The following SYNE1 variants were observed in gnomAD, a reference collection of about 807,000 sequenced individuals.
The protein encoded by SYNE1 is nesprin-1.
In SYNE1, 616 loss-of-function variants were observed where a neutral mutation model predicts 1,111.0. That is an observed-to-expected ratio of 0.55 (90% CI 0.52 to 0.59). SYNE1 has a LOEUF of 0.59. SYNE1 is among the 20% of genes least tolerant of loss of function. The pLI, the probability that SYNE1 is intolerant of heterozygous loss-of-function variation, is 0.00. For missense variants in SYNE1, 10,006 were observed against 10,417.0 expected (o/e 0.96, Z 1.72); for synonymous variants, 3,855 against 3,825.8 (o/e 1.01, Z -0.28).
At chr6:152,478,938 C>T (rs192562770) in intron 14 of SYNE1, among the ~76,000 whole-genome samples, 27 of 152,106 alleles carry the variant, frequency 1.8e-4, no homozygotes, top group Non-Finnish European at 2.6e-4. Context: ...ACAAGGCAAG[C>T]GAGGATGTGG....
At chr6:152,483,646 G>A (rs181511808) in intron 13 of SYNE1, among the ~76,000 whole-genome samples, 9 of 152,106 alleles carry the variant, frequency 5.9e-5, no homozygotes, top group Admixed American at 3.3e-4. Context: ...CTTGGTCGTC[G>A]GAATGAGAAT....
At chr6:152,487,556 C>T (rs980644874) in intron 12 of SYNE1, among the ~76,000 whole-genome samples, 29 of 152,126 alleles carry the variant, frequency 1.9e-4, no homozygotes, top group African/African-American at 7.0e-4. Context: ...AGCAGAAGTC[C>T]AATTAATGAC....
chr6:152,180,215 T>C lies in SYNE1; in HGVS notation c.23381A>G (p.Glu7794Gly). Residue 7794 changes from glutamate (E) to glycine (G), a missense_variant, in exon 129 of 146, where the codon GAG (glutamate) becomes GGG (glycine). By Grantham distance (98) the Glu-to-Gly change is moderately conservative (BLOSUM62 -2). Around this residue, in one of 7 missense-constraint regions of SYNE1, gnomAD observed 2,182 missense variants for 2,287.8 expected, o/e 0.95. Coordinates refer to ENST00000367255, the MANE Select transcript of SYNE1 (RefSeq NM_182961.4). Reference sequence around the variant, plus strand: ...TTTGCTTTCCATTTGAGTCAACCACTCACAGAGTTCCTTGTTCTTTTCACT... The same window carrying C: ...TTTGCTTTCCATTTGAGTCAACCACCCACAGAGTTCCTTGTTCTTTTCACT... Reference protein sequence around the residue: ...VFSEKNKELCEWLTQMESKVS... With the variant: ...VFSEKNKELCGWLTQMESKVS... 2 of 1,614,118 alleles carry C rather than the reference T, an allele frequency of 1.2e-6. No homozygotes were observed. The highest frequency in any genetic ancestry group is 1.7e-6 in the Non-Finnish European group (2 of 1,179,980).
At chr6:152,243,114 G>A (rs972701449) in intron 106 of SYNE1, among the ~76,000 whole-genome samples, 4 of 152,170 alleles carry the variant, frequency 2.6e-5, no homozygotes, top group Non-Finnish European at 5.9e-5. Flanking sequence ...GATATCAATA[G>A]TTTATGATAA....
intron 3 of SYNE1, among the ~76,000 whole-genome samples, chr6:152,623,001 C>G (rs897668660): frequency 6.6e-6 from 1 of 152,024 alleles, no homozygotes; most frequent in Admixed American, 6.6e-5. Flanking sequence ...TGGCATGTCT[C>G]TAATCATCAG....
chr6:152,544,325 T>C (rs1011201782), intron 3 of SYNE1, among the ~76,000 whole-genome samples: 2 of 152,086 alleles, frequency 1.3e-5, no homozygotes, highest in African/African-American at 4.8e-5. Context: ...ATAACCTAAA[T>C]CGTAAATGGT....
rs143967207 is a variant in SYNE1, at chr6:152,418,807, C to T, written c.5421+762G>A. On this transcript the variant is annotated intron_variant, in intron 40 of 145. Transcript: ENST00000367255. The stretch of plus-strand genomic sequence containing the variant: ...ATCTCACTTGGAAAGACTGTTAGCA[C>T]AGGCTGCCATCTGTAATTCTGAGGT... Among the ~76,000 whole-genome samples, 75 of 152,332 alleles carry T rather than the reference C, an allele frequency of 4.9e-4. No homozygotes were observed. In the East Asian group the frequency reaches 0.014, roughly 28 times the overall value.
chr6:152,326,560 T>A lies in SYNE1; in HGVS notation c.15029A>T (p.Glu5010Val), dbSNP rs776918543. The change falls in exon 79 of 146, where the codon GAG (glutamate) becomes GTG (valine). Residue 5010 changes from glutamate to valine, a missense_variant. Coordinates refer to ENST00000367255, the MANE Select transcript of SYNE1 (RefSeq NM_182961.4). The part of the protein sequence containing the change: ...QVFQAANDWL[E>V]DAQELLQLAG... ...CAGCTGTAACAATTCTTGGGCATCC[T>A]CAAGCCAGTCATTGGCTGCTTGAAA... 1 of 1,614,220 alleles carries A rather than the reference T, an allele frequency of 6.2e-7. No homozygotes were observed. The highest frequency in any genetic ancestry group is 8.5e-7 in the Non-Finnish European group (1 of 1,180,032).
intron 44 of SYNE1, 40 bp downstream of exon 44, chr6:152,409,028 A>G (rs761636100): frequency 1.4e-5 from 22 of 1,594,764 alleles, no homozygotes; most frequent in Non-Finnish European, 1.9e-5. Flanking sequence ...GGGAATGTGA[A>G]TATTTAAATA....
rs1207243389 is a variant in SYNE1 at position 152,511,038 on chromosome 6, C to G, written c.375G>C (p.Leu125Phe). The stretch of plus-strand genomic sequence containing the variant: ...GGAAATATAGAATAATGGTCCACAT[C>G]AATCCAAGAACTATTGAGGGTCGGC... ...ADGRPSIVLG[L>F]MWTIILYFQI... Residue 125 changes from leucine to phenylalanine, a missense_variant, in exon 7 of 146, where the codon TTG (leucine) becomes TTC (phenylalanine). This residue lies in a region of SYNE1 where 1,971 missense variants were observed against 2,084.1 expected (regional missense o/e 0.95). Coordinates refer to ENST00000367255, the MANE Select transcript of SYNE1 (RefSeq NM_182961.4). The G allele has an allele frequency of 4.3e-6, 7 of 1,613,948 alleles. No homozygotes were observed. The highest frequency in any genetic ancestry group is 5.9e-6 in the Non-Finnish European group (7 of 1,179,904).
At chr6:152,571,340 G>C (rs534924893) in intron 3 of SYNE1, among the ~76,000 whole-genome samples, 128 of 152,196 alleles carry the variant, frequency 8.4e-4, no homozygotes, top group African/African-American at 3.0e-3. Context: ...TTGACTCTAG[G>C]TCTTCAGAAA....
At chr6:152,275,824 T>A (rs920828725) in intron 98 of SYNE1, among the ~76,000 whole-genome samples, 3 of 149,458 alleles carry the variant, frequency 2.0e-5, no homozygotes, top group Non-Finnish European at 4.4e-5. Flanking sequence ...GAGGTTGCAA[T>A]GAGCTGAGAT....
rs147432636 is a variant in SYNE1 at position 152,242,517 on chromosome 6, C to A, written c.19693-77G>T. 4.5e-4 allele frequency: 697 copies of A among 1,548,608 alleles called. 3 individuals carry two copies. The African/African-American group carries it at 8.3e-3, about 18-fold the overall frequency. Reference sequence around the variant, plus strand: ...TCTAAAAGCATATGAACTATGAACGCACCAAGCCCGAGACCCAACCAAGAA... The same window carrying A: ...TCTAAAAGCATATGAACTATGAACGAACCAAGCCCGAGACCCAACCAAGAA... On this transcript the variant is annotated intron_variant, in intron 106 of 145. Coordinates refer to ENST00000367255, the MANE Select transcript of SYNE1 (RefSeq NM_182961.4).
chr6:152,350,203 G>A lies in SYNE1; in HGVS notation c.11866C>T (p.Leu3956=), dbSNP rs1476154145. 1 of 1,613,628 alleles carries A rather than the reference G, an allele frequency of 6.2e-7. No homozygotes were observed. The highest frequency in any genetic ancestry group is 1.7e-5 in the Admixed American group (1 of 59,974). Reference sequence around the variant, plus strand: ...GCCAATTGCTGGGTGATTGTCTCCAGGCTGCTTGTCTCCAGGAGGTCAGGT... The same window carrying A: ...GCCAATTGCTGGGTGATTGTCTCCAAGCTGCTTGTCTCCAGGAGGTCAGGT... ...VAPDLLETSS[L]ETITQQLAHH... Residue 3956 remains leucine, a synonymous_variant, in exon 72 of 146, where the codon CTG becomes TTG. Transcript: ENST00000367255.
In SYNE1 at chr6:152,455,388, T is replaced by C. The variant is rs766264274; in HGVS notation, c.2892+38A>G. ...GCTTTCCTCCAAGGTTGTTTGTCCA[T>C]GTATTCAGGTCAAGTGTCCCCTAAA... On this transcript the variant is annotated intron_variant, in intron 24 of 145. Transcript: ENST00000367255. The C allele has an allele frequency of 5.0e-6, 8 of 1,596,210 alleles. No homozygotes were observed. The Admixed American group carries it at 1.4e-4, about 28-fold the overall frequency.
chr6:152,325,124 A>T lies in SYNE1; in HGVS notation c.15617T>A (p.Leu5206Gln). ...RAVAQDQEKI[L>Q]EDAVDEWTGF... The stretch of plus-strand genomic sequence containing the variant: ...CGTCCACTCATCCACTGCATCTTCC[A>T]GGATCTTCTCCTGGTCCTGGGCCAC... The change falls in exon 81 of 146, where the codon CTG becomes CAG. Residue 5206 changes from leucine (L) to glutamine (Q), a missense_variant. Leu to Gln is a moderately radical substitution (Grantham distance 113, BLOSUM62 -2). Around this residue, in one of 7 missense-constraint regions of SYNE1, gnomAD observed 4,955 missense variants for 5,017.2 expected, o/e 0.99. Coordinates refer to ENST00000367255, the MANE Select transcript of SYNE1 (RefSeq NM_182961.4). 6.2e-7 allele frequency: 1 copy of T among 1,614,236 alleles called. No individual in the cohort carries two copies. The highest frequency in any genetic ancestry group is 8.5e-7 in the Non-Finnish European group (1 of 1,180,048).
intron 6 of SYNE1, among the ~76,000 whole-genome samples, chr6:152,519,005 GA>G (rs2099126242): frequency 6.8e-6 from 1 of 147,428 alleles, no homozygotes; most frequent in Non-Finnish European, 1.5e-5. Context: ...GGGGAGGGGG[GA>G]GGGATAGCAT....
chr6:152,556,360 T>C (rs1224643190), intron 3 of SYNE1, among the ~76,000 whole-genome samples: 1 of 152,192 alleles, frequency 6.6e-6, no homozygotes, highest in East Asian at 1.9e-4. Flanking sequence ...AAGTGAGCAC[T>C]TGACTTCAAA....
chr6:152,468,852 T>C (rs1190068351), intron 16 of SYNE1, among the ~76,000 whole-genome samples: 1 of 152,172 alleles, frequency 6.6e-6, no homozygotes, highest in Non-Finnish European at 1.5e-5. Context: ...CATAGCTCAC[T>C]GCAGCCGTGA....
Sources: gnomAD v4.1 joint callset for allele counts (sites outside exome capture counted in the v4.1 genomes callset) on GRCh38, gnomAD v4.1.1 for gene constraint, gnomAD v4.1.1 regional missense constraint, MANE v1.5 for transcripts, NCBI Gene and HGNC (gene_info 2026-07-23, HGNC 2026-07-21) for gene names.